The following KLHL32 variants were observed in gnomAD, a reference collection of about 807,000 sequenced individuals.
KLHL32 encodes kelch like family member 32, also known as kelch-like protein 32.
A neutral mutation model predicts 64.8 loss-of-function variants in KLHL32; 35 were observed. The observed-to-expected ratio is 0.54, with a 90% confidence interval of 0.41 to 0.72. The LOEUF (loss-of-function observed/expected upper bound fraction) is 0.72, where lower values mean the gene tolerates loss of function less well. Ranked by LOEUF, KLHL32 falls within the 30% of genes least tolerant of loss-of-function variation. The pLI is 0.00. For synonymous variants in KLHL32, 259 were observed against 281.0 expected (o/e 0.92, Z 0.78); for missense variants, 589 against 768.5 (o/e 0.77, Z 2.76).
rs112863596 is a variant in KLHL32, at chr6:96,948,213, A to G, written c.-65-18783A>G. Among the ~76,000 whole-genome samples, 179 of 152,220 alleles carry G rather than the reference A, an allele frequency of 1.2e-3. 1 individual carries two copies. The highest frequency in any genetic ancestry group is 4.2e-3 in the African/African-American group (173 of 41,536). ...AGCACAATGTACAATGAGCGGTGTGAATTTTAGTCAGACTTACCTGGATTC... is the reference window on the plus strand; with the variant it reads ...AGCACAATGTACAATGAGCGGTGTGGATTTTAGTCAGACTTACCTGGATTC... On this transcript the variant is annotated intron_variant, in intron 1 of 10. Coordinates refer to ENST00000369261, the MANE Select transcript of KLHL32 (RefSeq NM_052904.4).
At position 97,025,308 on chromosome 6, in the gene KLHL32, GGCTT is replaced by G. The variant is rs538335667; in HGVS notation, c.205-16181_205-16178del. Among the ~76,000 whole-genome samples the G allele has an allele frequency of 2.5e-3, 385 of 152,226 alleles. 1 individual carries two copies. Among genetic ancestry groups the G allele is most frequent in the Admixed American group, 3.6e-3 (55 of 15,290 alleles). On this transcript the variant is annotated intron_variant, in intron 3 of 10. Transcript: ENST00000369261. ...CCCATCTGATGTTGACTGCATTCTGGGCTTGCATGCCTGAACTCCTGAAAGATTG... is the reference window on the plus strand; with the variant it reads ...CCCATCTGATGTTGACTGCATTCTGGGCATGCCTGAACTCCTGAAAGATTG...
intron 6 of KLHL32, among the ~76,000 whole-genome samples, chr6:97,089,662 C>A (rs1793931732): frequency 6.6e-6 from 1 of 151,802 alleles, no homozygotes; most frequent in African/African-American, 2.4e-5. Context: ...ACCTGTAATC[C>A]CAGCTGAGGC....
intron 1 of KLHL32, among the ~76,000 whole-genome samples, chr6:96,934,224 T>C (rs1424440766): frequency 6.6e-6 from 1 of 152,130 alleles, no homozygotes. Context: ...GTTTCGAAAA[T>C]ATAGATTACT....
intron 1 of KLHL32, among the ~76,000 whole-genome samples, chr6:96,930,714 G>A (rs776873478): frequency 6.6e-6 from 1 of 152,092 alleles, no homozygotes; most frequent in Non-Finnish European, 1.5e-5. Flanking sequence ...ACGCTGCTTA[G>A]ATGGGCTCTC....
intron 3 of KLHL32, among the ~76,000 whole-genome samples, chr6:97,039,597 G>T (rs997066691): frequency 8.7e-6 from 1 of 115,416 alleles, no homozygotes; most frequent in East Asian, 2.2e-4. Flanking sequence ...TGAGGCAGGC[G>T]GATCACAAGG....
At chr6:97,039,095 A>AG (rs1562268786) in intron 3 of KLHL32, among the ~76,000 whole-genome samples, 1 of 151,554 alleles carries the variant, frequency 6.6e-6, no homozygotes, top group Non-Finnish European at 1.5e-5. Flanking sequence ...GTCTCAAAAA[A>AG]AAAAAAAAAA....
intron 6 of KLHL32, among the ~76,000 whole-genome samples, chr6:97,098,620 A>C (rs981684967): frequency 3.3e-5 from 5 of 152,226 alleles, no homozygotes; most frequent in African/African-American, 1.2e-4. Context: ...GTCTCCAAAA[A>C]TGAATTAAGT....
intron 3 of KLHL32, among the ~76,000 whole-genome samples, chr6:97,003,046 G>T (rs981814101): frequency 6.6e-6 from 1 of 152,118 alleles, no homozygotes; most frequent in Non-Finnish European, 1.5e-5. Context: ...TCAAATGGTA[G>T]TTCTAAGTTC....
At chr6:97,081,105 C>T (rs1422215367) in intron 5 of KLHL32, among the ~76,000 whole-genome samples, 2 of 152,088 alleles carry the variant, frequency 1.3e-5, no homozygotes, top group Non-Finnish European at 1.5e-5. Context: ...AATAAGAGGG[C>T]ACAGACCACA....
At chr6:97,114,992 G>A (rs78775575) in intron 7 of KLHL32, among the ~76,000 whole-genome samples, 1,673 of 152,274 alleles carry the variant, frequency 0.011, 16 homozygotes, top group Admixed American at 0.023. Context: ...TTGAGAGAAG[G>A]GATTTAAGTT....
chr6:96,938,078 A>T (rs532132422), intron 1 of KLHL32, among the ~76,000 whole-genome samples: 6 of 152,326 alleles, frequency 3.9e-5, no homozygotes, highest in African/African-American at 1.4e-4. Context: ...TGAATAATTT[A>T]AAACAAACAA....
At chr6:96,907,786 T>C in the KLHL32 span, among the ~76,000 whole-genome samples, 1 of 152,202 alleles carries the variant, frequency 6.6e-6, no homozygotes, top group African/African-American at 2.4e-5. Flanking sequence ...ATAAGTGAAA[T>C]ATGATTCATG....
chr6:97,042,023 G>C (rs376388348), intron 4 of KLHL32, among the ~76,000 whole-genome samples: 1 of 152,290 alleles, frequency 6.6e-6, no homozygotes, highest in African/African-American at 2.4e-5. Context: ...ACATATCTCA[G>C]AGTCAGAATT....
chr6:97,070,629 G>C (rs752565903), intron 5 of KLHL32, among the ~76,000 whole-genome samples: 1 of 152,108 alleles, frequency 6.6e-6, no homozygotes, highest in Non-Finnish European at 1.5e-5. Context: ...ATTTTAAAGA[G>C]GAGAAAGATT....
chr6:97,044,967 T>C (rs984518934), intron 4 of KLHL32, among the ~76,000 whole-genome samples: 1 of 152,124 alleles, frequency 6.6e-6, no homozygotes, highest in Non-Finnish European at 1.5e-5. Flanking sequence ...TTCACTTTCA[T>C]TAATCTTTTC....
intron 3 of KLHL32, among the ~76,000 whole-genome samples, chr6:96,989,321 T>G (rs372005187): frequency 5.1e-4 from 78 of 152,306 alleles, no homozygotes; most frequent in African/African-American, 1.8e-3. Context: ...AGCATTTGCT[T>G]GTCTGAAAAG....
chr6:96,916,455 T>C, the KLHL32 span, among the ~76,000 whole-genome samples: 4 of 152,210 alleles, frequency 2.6e-5, no homozygotes, highest in Non-Finnish European at 5.9e-5. Context: ...AAGCAACCCT[T>C]ACTTTCCATT....
In KLHL32 at chr6:96,967,049, C is replaced by T. The variant is rs1467781414; in HGVS notation, c.-12C>T. The T allele has an allele frequency of 6.2e-7, 1 of 1,613,502 alleles. No homozygotes were observed. Among genetic ancestry groups the T allele is most frequent in the African/African-American group, 1.3e-5 (1 of 75,042 alleles). ...CTTCTAAGGCTGAGAACCTGAGGAA[C>T]CCAGCTGGAAAATGCCGTCTGAACG... On this transcript the variant is annotated 5_prime_UTR_variant, in exon 2 of 11. Coordinates refer to ENST00000369261, the MANE Select transcript of KLHL32 (RefSeq NM_052904.4).
the KLHL32 span, among the ~76,000 whole-genome samples, chr6:96,902,519 C>T: frequency 6.6e-6 from 1 of 152,118 alleles, no homozygotes; most frequent in African/African-American, 2.4e-5. Context: ...GATTGCAAAA[C>T]TTTTCTCCCA....
Sources: allele counts gnomAD v4.1 joint callset (sites outside exome capture counted in the v4.1 genomes callset), GRCh38; gene constraint gnomAD v4.1.1; transcripts MANE v1.5; gene names NCBI Gene and HGNC (gene_info 2026-07-23, HGNC 2026-07-21).